The following SV2C variants were observed in gnomAD, a reference collection of about 807,000 sequenced individuals.
The protein encoded by SV2C is synaptic vesicle glycoprotein 2C, also known as solute carrier family 22 member B3.
A neutral mutation model predicts 79.7 loss-of-function variants in SV2C; 49 were observed. The observed-to-expected ratio is 0.61, with a 90% CI of 0.49 to 0.78. The LOEUF (loss-of-function observed/expected upper bound fraction) is 0.78, where lower values mean the gene tolerates loss of function less well. SV2C is among the 30% of genes least tolerant of loss of function. The probability of loss-of-function intolerance (pLI) is 0.00; values close to 1 mark genes in which losing one functional copy is unlikely to be tolerated. For synonymous variants in SV2C, 334 were observed against 333.2 expected, an observed-to-expected ratio of 1.00 and a Z score of -0.03; for missense variants, 833 against 912.9, an observed-to-expected ratio of 0.91 and a Z score of 1.13.
At chr5:75,912,732 T>C in the SV2C span, among the ~76,000 whole-genome samples, 638 of 152,266 alleles carry the variant, frequency 4.2e-3, 5 homozygotes, top group African/African-American at 0.014. Flanking sequence ...TTCTTATTCT[T>C]AGGTAACAGC....
chr5:75,897,899 G>A, the SV2C span, among the ~76,000 whole-genome samples: 1 of 151,910 alleles, frequency 6.6e-6, no homozygotes, highest in Non-Finnish European at 1.5e-5. Context: ...GAATGCTTGT[G>A]ATTTTTGTAC....
intron 1 of SV2C, among the ~76,000 whole-genome samples, chr5:76,116,864 A>G (rs929495703): frequency 6.6e-6 from 1 of 152,180 alleles, no homozygotes; most frequent in African/African-American, 2.4e-5. Flanking sequence ...AGGGACAGGA[A>G]TCCAGGAGTA....
chr5:75,955,213 C>A, the SV2C span, among the ~76,000 whole-genome samples: 1 of 151,428 alleles, frequency 6.6e-6, no homozygotes, highest in Non-Finnish European at 1.5e-5. Context: ...ATCAATGGAA[C>A]AGAACAGAGC....
intron 4 of SV2C, among the ~76,000 whole-genome samples, chr5:76,259,029 A>G (rs1168991266): frequency 2.0e-5 from 3 of 152,196 alleles, no homozygotes; most frequent in Non-Finnish European, 4.4e-5. Flanking sequence ...AACATACCAC[A>G]ACTAATTCCT....
downstream of SV2C, among the ~76,000 whole-genome samples, chr5:76,337,664 G>C (rs1263028500): frequency 6.6e-6 from 1 of 152,140 alleles, no homozygotes; most frequent in African/African-American, 2.4e-5. Context: ...TTCATTCAGA[G>C]GGGATGATAA....
At chr5:76,319,506 C>CA (rs1364187471) in intron 12 of SV2C, among the ~76,000 whole-genome samples, 7 of 152,168 alleles carry the variant, frequency 4.6e-5, no homozygotes, top group African/African-American at 1.7e-4. Flanking sequence ...AAAGGGTAGT[C>CA]ACGTTTTCTT....
At chr5:76,124,805 G>T (rs920917949) in intron 1 of SV2C, among the ~76,000 whole-genome samples, 4 of 152,108 alleles carry the variant, frequency 2.6e-5, no homozygotes, top group Non-Finnish European at 1.5e-5. Flanking sequence ...ATTTTTGCTA[G>T]TAGCCATCCA....
At chr5:76,132,420 A>G (rs1329235931) in intron 2 of SV2C, 90 bp downstream of exon 2, 8 of 1,285,214 alleles carry the variant, frequency 6.2e-6, no homozygotes, top group African/African-American at 1.5e-5. Flanking sequence ...CTTTTCATCT[A>G]GAGTACTGCA....
chr5:76,193,496 A>G (rs1195605741), intron 2 of SV2C, among the ~76,000 whole-genome samples: 1 of 152,246 alleles, frequency 6.6e-6, no homozygotes, highest in Non-Finnish European at 1.5e-5. Flanking sequence ...TTTGCACATA[A>G]CAGGGGCTCC....
chr5:76,283,109 T>C (rs962354743), intron 4 of SV2C, among the ~76,000 whole-genome samples: 3 of 151,894 alleles, frequency 2.0e-5, no homozygotes, highest in South Asian at 2.1e-4. Context: ...GATCAGGAGA[T>C]CGAGACCATC....
chr5:75,896,377 T>C, the SV2C span, among the ~76,000 whole-genome samples: 1 of 151,832 alleles, frequency 6.6e-6, no homozygotes, highest in Non-Finnish European at 1.5e-5. Context: ...TCCATGTCCC[T>C]ACAAAGGACG....
intron 2 of SV2C, among the ~76,000 whole-genome samples, chr5:76,187,581 A>G (rs1743960564): frequency 6.6e-6 from 1 of 152,134 alleles, no homozygotes; most frequent in African/African-American, 2.4e-5. Context: ...CTTTGTACAT[A>G]TGCCTTTGAT....
chr5:76,269,746 A>T (rs1746782592), intron 4 of SV2C, among the ~76,000 whole-genome samples: 1 of 152,204 alleles, frequency 6.6e-6, no homozygotes, highest in Admixed American at 6.5e-5. Flanking sequence ...CAATCTGCCT[A>T]TGCTCGAGCA....
chr5:76,213,832 C>T (rs1744838963), intron 4 of SV2C, among the ~76,000 whole-genome samples: 1 of 152,146 alleles, frequency 6.6e-6, no homozygotes, highest in African/African-American at 2.4e-5. Context: ...AACTTATCAT[C>T]TTATAACCAA....
At chr5:76,012,363 T>C in the SV2C span, among the ~76,000 whole-genome samples, 2 of 152,260 alleles carry the variant, frequency 1.3e-5, no homozygotes, top group Admixed American at 6.5e-5. Context: ...TGACCAGTGA[T>C]GATGATCTTT....
chr5:76,180,058 C>A (rs1743671864), intron 2 of SV2C, among the ~76,000 whole-genome samples: 1 of 152,170 alleles, frequency 6.6e-6, no homozygotes. Context: ...CATTTTCAGT[C>A]CTGTTTTCCT....
the SV2C span, among the ~76,000 whole-genome samples, chr5:75,974,066 AT>A: frequency 6.6e-6 from 1 of 151,920 alleles, no homozygotes; most frequent in Non-Finnish European, 1.5e-5. Flanking sequence ...CACTTTTTGT[AT>A]TCTTGTCATT....
chr5:76,211,190 G>A (rs1744756780), intron 4 of SV2C, among the ~76,000 whole-genome samples: 1 of 152,158 alleles, frequency 6.6e-6, no homozygotes, highest in Admixed American at 6.5e-5. Context: ...ATGGGAGCAG[G>A]AAAACTCCTG....
intron 1 of SV2C, among the ~76,000 whole-genome samples, chr5:76,105,041 T>A (rs1747864380): frequency 6.6e-6 from 1 of 152,166 alleles, no homozygotes; most frequent in South Asian, 2.1e-4. Flanking sequence ...GGAAATAGAA[T>A]CTTTGCAGAT....
Sources: gnomAD v4.1 joint callset for allele counts (sites outside exome capture counted in the v4.1 genomes callset) on GRCh38, gnomAD v4.1.1 for gene constraint, MANE v1.5 for transcripts, NCBI Gene and HGNC (gene_info 2026-07-23, HGNC 2026-07-21) for gene names.